GPR155: variants seen among roughly 807,000 people sequenced by gnomAD.
GPR155 encodes G protein-coupled receptor 155, also known as lysosomal cholesterol signaling protein.
Under a neutral mutation model 93.1 loss-of-function variants are expected in GPR155, and 65 were observed. That is an observed-to-expected ratio of 0.70 (90% CI 0.57 to 0.86). GPR155 has a LOEUF of 0.86. GPR155 is among the 40% of genes least tolerant of loss of function. The pLI is 0.00. For synonymous variants in GPR155, 319 were observed against 360.1 expected (o/e 0.89, Z 1.29); for missense variants, 838 against 1,034.8 (o/e 0.81, Z 2.61).
chr2:174,473,968 A>C (rs1266285072), intron 2 of GPR155, among the ~76,000 whole-genome samples: 1 of 152,204 alleles, frequency 6.6e-6, no homozygotes, highest in African/African-American at 2.4e-5. Context: ...TACTCAGTTA[A>C]ATATTTTCCA....
At chr2:174,461,533 G>T in intron 8 of GPR155, 41 bp from the exon 9 acceptor site, 1 of 1,553,718 alleles carries the variant, frequency 6.4e-7, no homozygotes, top group Non-Finnish European at 8.9e-7. Flanking sequence ...AAGAAAGGAT[G>T]AATAGTAACT....
intron 9 of GPR155, among the ~76,000 whole-genome samples, chr2:174,460,918 C>A (rs1437988046): frequency 6.6e-6 from 1 of 152,032 alleles, no homozygotes; most frequent in East Asian, 1.9e-4. Context: ...AGTAAGAAAT[C>A]AAAATTATGT....
At chr2:174,482,607 G>A (rs1289438833) in intron 1 of GPR155, among the ~76,000 whole-genome samples, 1 of 152,146 alleles carries the variant, frequency 6.6e-6, no homozygotes, top group Admixed American at 6.5e-5. Flanking sequence ...GGAGTGCAGT[G>A]GTGCAATCTC....
At chr2:174,479,438 G>C (rs1201422121) in intron 2 of GPR155, among the ~76,000 whole-genome samples, 3 of 152,210 alleles carry the variant, frequency 2.0e-5, no homozygotes, top group Non-Finnish European at 4.4e-5. Context: ...GCAACCAGAA[G>C]ACCTAGGTTT....
At chr2:174,470,783 AG>A (rs1687973393) in intron 3 of GPR155, among the ~76,000 whole-genome samples, 1 of 152,156 alleles carries the variant, frequency 6.6e-6, no homozygotes, top group Non-Finnish European at 1.5e-5. Flanking sequence ...CTCACACATC[AG>A]GGATTAGGAG....
At position 174,466,702 on chromosome 2, in the gene GPR155, A is replaced by C. The variant is rs75723170; in HGVS notation, c.1183-75T>G. The C allele has an allele frequency of 1.1e-4, 81 of 765,674 alleles. No individual in the cohort carries two copies. In the East Asian group the frequency reaches 2.0e-3, roughly 19 times the overall value. The allele number at this position is 765,674 out of a possible 1,614,324, so 47.4% of individuals were successfully genotyped here. A position where few individuals can be genotyped will look rare whatever the true frequency, so the allele number is the denominator to read the frequency against. On this transcript the variant is annotated intron_variant, in intron 5 of 15. Coordinates refer to ENST00000392552, the MANE Select transcript of GPR155 (RefSeq NM_152529.7). ...TTACTTATTAAATAACACAATGATT[A>C]GCCTCTTTAAATAACCCTCTTTGTC...
At chr2:174,446,251 G>A (rs1687120920) in intron 12 of GPR155, among the ~76,000 whole-genome samples, 1 of 143,948 alleles carries the variant, frequency 6.9e-6, no homozygotes, top group Non-Finnish European at 1.5e-5. Flanking sequence ...AGGTTGCAGT[G>A]AGCTGAGATC....
chr2:174,461,087 C>G (rs1240620520), intron 9 of GPR155, among the ~76,000 whole-genome samples: 1 of 152,092 alleles, frequency 6.6e-6, no homozygotes, highest in East Asian at 1.9e-4. Context: ...AGAATTTGAC[C>G]TTTATTATTA....
At chr2:174,484,949 G>C (rs541784755) in intron 1 of GPR155, among the ~76,000 whole-genome samples, 16 of 152,236 alleles carry the variant, frequency 1.1e-4, no homozygotes, top group African/African-American at 3.6e-4. Flanking sequence ...TGTGTGGATA[G>C]AATATTTTAT....
At chr2:174,468,031 A>T (rs1344967104) in intron 5 of GPR155, among the ~76,000 whole-genome samples, 1 of 152,142 alleles carries the variant, frequency 6.6e-6, no homozygotes. Context: ...CCACGGTGCC[A>T]GATCACATTC....
intron 15 of GPR155, among the ~76,000 whole-genome samples, chr2:174,438,973 G>A (rs1295242414): frequency 2.0e-5 from 3 of 152,092 alleles, no homozygotes; most frequent in East Asian, 1.9e-4. Flanking sequence ...CCAAGAATTC[G>A]ATATTTTAAA....
At position 174,465,784 on chromosome 2, in the gene GPR155, C is replaced by T. The variant is rs775351016; in HGVS notation, c.1384+1G>A. Reference sequence around the variant, plus strand: ...CAATTTCCATTCATAATCCAACTCACCTGTCCACAGGTAGGTGCTATAGAG... The same window carrying T: ...CAATTTCCATTCATAATCCAACTCATCTGTCCACAGGTAGGTGCTATAGAG... On this transcript the variant is annotated splice_donor_variant, in intron 7 of 15. Coordinates refer to ENST00000392552, the MANE Select transcript of GPR155 (RefSeq NM_152529.7). LOFTEE classifies it high-confidence loss of function. 2 of 1,430,824 alleles carry T rather than the reference C, an allele frequency of 1.4e-6. No individual in the cohort carries two copies. Among genetic ancestry groups the T allele is most frequent in the Non-Finnish European group, 2.0e-6 (2 of 1,015,752 alleles). 88.6% of individuals were successfully genotyped at this position (1,430,824 alleles called of 1,614,324 possible).
chr2:174,469,138 G>T, intron 4 of GPR155, 71 bp from the exon 5 acceptor site: 1 of 1,319,114 alleles, frequency 7.6e-7, no homozygotes, highest in Non-Finnish European at 1.1e-6. Flanking sequence ...AAATAACCAC[G>T]GCACACTAAA....
intron 13 of GPR155, among the ~76,000 whole-genome samples, chr2:174,444,861 C>A (rs773244479): frequency 4.6e-5 from 7 of 152,062 alleles, no homozygotes; most frequent in Non-Finnish European, 1.0e-4. Flanking sequence ...AAGCACTCAG[C>A]GTACATTCTG....
intron 8 of GPR155, 23 bp from the exon 9 acceptor site, chr2:174,461,515 G>A (rs888713040): frequency 1.1e-5 from 18 of 1,589,590 alleles, no homozygotes; most frequent in Non-Finnish European, 1.6e-5. Context: ...GTGATATTGG[G>A]AGAGAAAAAG....
At chr2:174,486,313 G>C (rs1688478222) in intron 1 of GPR155, among the ~76,000 whole-genome samples, 1 of 152,096 alleles carries the variant, frequency 6.6e-6, no homozygotes, top group Non-Finnish European at 1.5e-5. Context: ...TAACCGAATA[G>C]GCTGCTCGGA....
intron 10 of GPR155, 128 bp from the exon 11 acceptor site, chr2:174,453,969 C>T (rs1188734525): frequency 1.5e-6 from 1 of 655,550 alleles, no homozygotes; most frequent in South Asian, 1.7e-5. Flanking sequence ...CAATAGTTTT[C>T]ACATGGTATC....
At chr2:174,455,872 G>T (rs966443269) in intron 10 of GPR155, among the ~76,000 whole-genome samples, 1 of 151,898 alleles carries the variant, frequency 6.6e-6, no homozygotes, top group African/African-American at 2.4e-5. Flanking sequence ...ATGAAGTTTC[G>T]CTCTGTCACC....
At chr2:174,441,159 T>C (rs907211863) in intron 14 of GPR155, among the ~76,000 whole-genome samples, 6 of 152,182 alleles carry the variant, frequency 3.9e-5, no homozygotes, top group Non-Finnish European at 7.4e-5. Context: ...TGGCATTTAG[T>C]GGTGTCTTCG....
Sources: gnomAD v4.1 joint callset for allele counts (sites outside exome capture counted in the v4.1 genomes callset) on GRCh38, gnomAD v4.1.1 for gene constraint, MANE v1.5 for transcripts, NCBI Gene and HGNC (gene_info 2026-07-23, HGNC 2026-07-21) for gene names.